The following TUSC3 variants were observed in gnomAD, a reference collection of about 807,000 sequenced individuals.
The protein encoded by TUSC3 is tumor suppressor candidate 3.
A neutral mutation model predicts 44.8 loss-of-function variants in TUSC3; 45 were observed. The ratio of observed to expected loss-of-function variants is 1.00; its 90% confidence interval spans 0.79 to 1.29. TUSC3 has a LOEUF of 1.29. Ranked by LOEUF, TUSC3 falls within the 50% of genes most tolerant of loss-of-function variation. The pLI is 0.00. For synonymous variants in TUSC3, 212 were observed against 152.9 expected (o/e 1.39, Z -2.85); for missense variants, 519 against 437.9 (o/e 1.19, Z -1.65).
the TUSC3 span, among the ~76,000 whole-genome samples, chr8:15,815,822 G>T: frequency 1.4e-4 from 21 of 152,226 alleles, no homozygotes; most frequent in African/African-American, 5.1e-4. Flanking sequence ...TTCTAAAGGT[G>T]AGAGCTACAA....
intron 1 of TUSC3, among the ~76,000 whole-genome samples, chr8:15,458,741 T>A (rs73665411): frequency 0.058 from 8,768 of 152,244 alleles, 338 homozygotes; most frequent in South Asian, 0.16. Flanking sequence ...GAGTTCAGAA[T>A]GATGAGTAAC....
intron 1 of TUSC3, among the ~76,000 whole-genome samples, chr8:15,467,913 A>T (rs1350707674): frequency 1.3e-5 from 2 of 152,196 alleles, no homozygotes; most frequent in Non-Finnish European, 2.9e-5. Flanking sequence ...CCATAAAATA[A>T]GCATTTAACT....
At chr8:15,456,789 G>A (rs549745756) in intron 1 of TUSC3, among the ~76,000 whole-genome samples, 3 of 151,686 alleles carry the variant, frequency 2.0e-5, no homozygotes, top group East Asian at 1.9e-4. Flanking sequence ...GAGAAGAGGA[G>A]GAGGAAAAAA....
intron 1 of TUSC3, among the ~76,000 whole-genome samples, chr8:15,452,064 G>C (rs992199229): frequency 6.6e-6 from 1 of 152,076 alleles, no homozygotes; most frequent in African/African-American, 2.4e-5. Flanking sequence ...CCACTGCCTG[G>C]CTCCCTCCAA....
the TUSC3 span, among the ~76,000 whole-genome samples, chr8:15,781,018 C>A: frequency 1.2e-4 from 19 of 152,278 alleles, no homozygotes; most frequent in Admixed American, 6.5e-4. Flanking sequence ...TGGCTTCTAA[C>A]TAACTTGTAT....
chr8:15,690,118 A>G (rs1267401145), intron 6 of TUSC3, among the ~76,000 whole-genome samples: 1 of 152,104 alleles, frequency 6.6e-6, no homozygotes, highest in Non-Finnish European at 1.5e-5. Context: ...GGCAGAACTA[A>G]TTTACACTCC....
intron 2 of TUSC3, among the ~76,000 whole-genome samples, chr8:15,639,826 G>GTCAA (rs1806281663): frequency 7.3e-6 from 1 of 136,634 alleles, no homozygotes; most frequent in Admixed American, 7.3e-5. Context: ...AGTACAGTCA[G>GTCAA]TCAATATGAG....
At chr8:15,842,545 C>T in the TUSC3 span, among the ~76,000 whole-genome samples, 1 of 152,162 alleles carries the variant, frequency 6.6e-6, no homozygotes, top group African/African-American at 2.4e-5. Flanking sequence ...TTCCCATCCG[C>T]AGTCCTCCAT....
chr8:15,481,835 AG>A (rs1212406611), intron 1 of TUSC3, among the ~76,000 whole-genome samples: 1 of 152,190 alleles, frequency 6.6e-6, no homozygotes, highest in African/African-American at 2.4e-5. Context: ...CTGACTGATC[AG>A]GGTAGTGGTT....
At chr8:15,607,377 C>G (rs1174759802) in intron 1 of TUSC3, among the ~76,000 whole-genome samples, 1 of 152,008 alleles carries the variant, frequency 6.6e-6, no homozygotes, top group Non-Finnish European at 1.5e-5. Flanking sequence ...ACAGTCAACT[C>G]CTTTACAAAC....
chr8:15,779,098 C>CTT, the TUSC3 span, among the ~76,000 whole-genome samples: 8 of 111,828 alleles, frequency 7.2e-5, no homozygotes, highest in East Asian at 2.6e-4. Context: ...CGAATGTTTT[C>CTT]TTTTTTTTTT....
At chr8:15,761,568 C>T (rs1021444471) in intron 10 of TUSC3, among the ~76,000 whole-genome samples, 2 of 152,130 alleles carry the variant, frequency 1.3e-5, no homozygotes, top group Non-Finnish European at 2.9e-5. Context: ...CTTCAGAATA[C>T]GCGAATAAGC....
intron 1 of TUSC3, among the ~76,000 whole-genome samples, chr8:15,449,849 T>A (rs1209908973): frequency 2.0e-5 from 3 of 152,164 alleles, no homozygotes; most frequent in African/African-American, 4.8e-5. Flanking sequence ...ACACTTTATT[T>A]TTTTACTGTA....
the TUSC3 span, among the ~76,000 whole-genome samples, chr8:15,793,434 T>C: frequency 1.3e-5 from 2 of 152,214 alleles, no homozygotes; most frequent in South Asian, 4.1e-4. Context: ...TCTTATTTCT[T>C]CTGCTCTGAC....
At chr8:15,710,442 C>T (rs1044202064) in intron 6 of TUSC3, among the ~76,000 whole-genome samples, 4 of 151,608 alleles carry the variant, frequency 2.6e-5, no homozygotes, top group Middle Eastern at 3.2e-3. Flanking sequence ...GAGTTCTGAC[C>T]GAACAAGGGC....
intron 1 of TUSC3, among the ~76,000 whole-genome samples, chr8:15,446,845 T>C (rs1034858180): frequency 1.8e-4 from 27 of 147,108 alleles, no homozygotes; most frequent in South Asian, 4.3e-4. Context: ...CAGAAGTTCA[T>C]GTGGAGAGAA....
chr8:15,843,729 G>C, the TUSC3 span, among the ~76,000 whole-genome samples: 8 of 151,768 alleles, frequency 5.3e-5, no homozygotes, highest in Non-Finnish European at 8.8e-5. Context: ...GTATGTGTGT[G>C]TTTGTGTATG....
chr8:15,523,852 T>C (rs2129129906), intron 2 of TUSC3, among the ~76,000 whole-genome samples: 1 of 151,264 alleles, frequency 6.6e-6, no homozygotes, highest in Admixed American at 6.6e-5. Context: ...GGTCAAGAAA[T>C]CGAGACCATC....
chr8:15,551,048 C>G (rs969073061), intron 1 of TUSC3, among the ~76,000 whole-genome samples: 2 of 151,660 alleles, frequency 1.3e-5, no homozygotes, highest in East Asian at 3.9e-4. Context: ...ACTCTGTGTT[C>G]TTGGGAAAGT....
Sources: allele counts gnomAD v4.1 joint callset (sites outside exome capture counted in the v4.1 genomes callset), GRCh38; gene constraint gnomAD v4.1.1; transcripts MANE v1.5; gene names NCBI Gene and HGNC (gene_info 2026-07-23, HGNC 2026-07-21).